Variants in CRTAC1 observed in about 807,000 individuals in gnomAD.
CRTAC1 encodes the protein acidic secreted protein in cartilage.
Under a neutral mutation model 67.8 loss-of-function variants are expected in CRTAC1, and 37 were observed. The ratio of observed to expected loss-of-function variants is 0.55; its 90% CI spans 0.42 to 0.72. The LOEUF is 0.72. CRTAC1 is among the 30% of genes least tolerant of loss of function. The probability of loss-of-function intolerance (pLI) is 0.00; values close to 1 mark genes in which losing one functional copy is unlikely to be tolerated. For missense variants in CRTAC1, 780 were observed against 931.6 expected, an observed-to-expected ratio of 0.84 and a Z score of 2.12; for synonymous variants, 348 against 371.0, an observed-to-expected ratio of 0.94 and a Z score of 0.71.
At chr10:98,011,533 ACTCCATCATGGCTGATCG>A in intron 1 of CRTAC1, among the ~76,000 whole-genome samples, 196 bp from the exon 2 acceptor site, 1 of 148,834 alleles carries the variant, frequency 6.7e-6, no homozygotes, top group Middle Eastern at 3.4e-3. Context: ...CTGCAACCTG[ACTCCATCATGGCTGATCG>A]CCCTTAGCCT....
intron 8 of CRTAC1, among the ~76,000 whole-genome samples, chr10:97,899,522 G>A (rs563857166): frequency 6.6e-5 from 10 of 152,304 alleles, no homozygotes; most frequent in Middle Eastern, 3.4e-3. Flanking sequence ...TCCTCCTGGC[G>A]AGTGACACTT....
At chr10:98,027,781 T>C (rs1383686536) in intron 1 of CRTAC1, among the ~76,000 whole-genome samples, 2 of 152,204 alleles carry the variant, frequency 1.3e-5, no homozygotes, top group Non-Finnish European at 2.9e-5. Context: ...TACCAAAGCC[T>C]GGTCAGTCAA....
At chr10:97,919,695 AT>A (rs1420618883) in intron 4 of CRTAC1, among the ~76,000 whole-genome samples, 1 of 151,468 alleles carries the variant, frequency 6.6e-6, no homozygotes, top group Non-Finnish European at 1.5e-5. Context: ...CTGAATCAGA[AT>A]CTGCATTGTG....
intron 1 of CRTAC1, among the ~76,000 whole-genome samples, chr10:98,013,507 A>G (rs1842945803): frequency 6.6e-6 from 1 of 152,170 alleles, no homozygotes; most frequent in Non-Finnish European, 1.5e-5. Context: ...CAGATAAATA[A>G]CCTAAAGCAA....
chr10:97,941,703 C>T (rs2051180189), intron 2 of CRTAC1, among the ~76,000 whole-genome samples: 1 of 152,054 alleles, frequency 6.6e-6, no homozygotes, highest in African/African-American at 2.4e-5. Context: ...AATCCTTTTT[C>T]TTCTTTCCTC....
chr10:97,983,830 T>C (rs1428934590), intron 2 of CRTAC1, among the ~76,000 whole-genome samples: 3 of 152,194 alleles, frequency 2.0e-5, no homozygotes, highest in African/African-American at 4.8e-5. Flanking sequence ...CTTGTTTCCA[T>C]CTGGGGCCTG....
At chr10:97,923,586 G>A (rs1277010510) in intron 3 of CRTAC1, among the ~76,000 whole-genome samples, 186 bp from the exon 4 acceptor site, 1 of 152,162 alleles carries the variant, frequency 6.6e-6, no homozygotes, top group Non-Finnish European at 1.5e-5. Context: ...CATGTTTCCA[G>A]TTGAGGGAAG....
intron 1 of CRTAC1, among the ~76,000 whole-genome samples, chr10:98,026,617 A>G (rs1843237746): frequency 6.6e-6 from 1 of 151,982 alleles, no homozygotes; most frequent in Admixed American, 6.6e-5. Context: ...CCGGTGGTCC[A>G]CGTGATCCTG....
At chr10:97,951,696 G>A (rs1484439586) in intron 2 of CRTAC1, among the ~76,000 whole-genome samples, 3 of 152,160 alleles carry the variant, frequency 2.0e-5, no homozygotes, top group African/African-American at 4.8e-5. Flanking sequence ...ACAAATGAAA[G>A]GTACATGACT....
At chr10:97,917,409 TG>T in intron 5 of CRTAC1, 90 bp downstream of exon 5, 1 of 1,099,824 alleles carries the variant, frequency 9.1e-7, no homozygotes, top group Non-Finnish European at 1.2e-6. Flanking sequence ...CCTTTCCTTG[TG>T]GTCTCTGATG....
At position 97,975,816 on chromosome 10, in the gene CRTAC1, G is replaced by T. The variant is rs960300056; in HGVS notation, c.224+35322C>A. On this transcript the variant is annotated intron_variant, in intron 2 of 14. Transcript: ENST00000370597. This position sits in a 1 kb window ranked among gnomAD's most constrained non-coding sequence, Gnocchi z 4.8. ...CCTCTCCACCTGCCAGGGAAGCTAC[G>T]CACACTCGGTGAGCGTGCTCCTGGG... 1.3e-5 allele frequency among the ~76,000 whole-genome samples: 2 copies of T among 152,184 alleles called. No homozygotes were observed. Among genetic ancestry groups the T allele is most frequent in the Non-Finnish European group, 2.9e-5 (2 of 68,022 alleles).
intron 5 of CRTAC1, among the ~76,000 whole-genome samples, chr10:97,910,082 G>A (rs2050668334): frequency 6.6e-6 from 1 of 152,140 alleles, no homozygotes; most frequent in Non-Finnish European, 1.5e-5. Flanking sequence ...GTTGGTCAAA[G>A]GATACAACAC....
rs2050446452 is a variant in CRTAC1, at chr10:97,895,626, G to A, written c.1318-213C>T. ...TGAAGGAGAGGCACTGCAGACAGAG[G>A]AGACAAAAGCCGAGGGACTCAGGGC... On this transcript the variant is annotated intron_variant, in intron 10 of 14. Coordinates refer to ENST00000370597, the MANE Select transcript of CRTAC1 (RefSeq NM_018058.7). This position sits in a 1 kb window ranked among gnomAD's most constrained non-coding sequence, Gnocchi z 4.2. Among the ~76,000 whole-genome samples, 1 of 152,194 alleles carries A rather than the reference G, an allele frequency of 6.6e-6. No homozygotes were observed. The highest frequency in any genetic ancestry group is 1.5e-5 in the Non-Finnish European group (1 of 68,036).
At chr10:97,881,771 C>T (rs964127465) in intron 13 of CRTAC1, among the ~76,000 whole-genome samples, 1 of 151,502 alleles carries the variant, frequency 6.6e-6, no homozygotes, top group African/African-American at 2.4e-5. Context: ...CACCACTGCT[C>T]CTCCACCTCC....
At chr10:98,002,723 G>A (rs980392200) in intron 2 of CRTAC1, among the ~76,000 whole-genome samples, 3 of 139,826 alleles carry the variant, frequency 2.1e-5, no homozygotes, top group Non-Finnish European at 4.6e-5. Flanking sequence ...GGTCACCGAG[G>A]AACAAAGTAT....
chr10:97,943,750 G>A (rs1273105576), intron 2 of CRTAC1, among the ~76,000 whole-genome samples: 1 of 152,238 alleles, frequency 6.6e-6, no homozygotes, highest in Non-Finnish European at 1.5e-5. Flanking sequence ...TTATTGGAAT[G>A]CAGACATACT....
intron 2 of CRTAC1, among the ~76,000 whole-genome samples, chr10:97,940,789 G>T (rs1463837137): frequency 6.6e-6 from 1 of 152,208 alleles, no homozygotes; most frequent in Non-Finnish European, 1.5e-5. Flanking sequence ...TGAGGACGAG[G>T]TGCCAGAGTG....
intron 14 of CRTAC1, chr10:97,879,650 G>A (rs2050185759): frequency 6.5e-7 from 1 of 1,534,430 alleles, no homozygotes; most frequent in Non-Finnish European, 8.8e-7. Context: ...AAGGCTGTTA[G>A]TTTTGTTTTG....
At chr10:97,986,609 A>T (rs568549) in intron 2 of CRTAC1, among the ~76,000 whole-genome samples, 16,194 of 152,332 alleles carry the variant, frequency 0.11, 908 homozygotes, top group South Asian at 0.16. Flanking sequence ...CAGAAAAACA[A>T]GAATTACAAA....
Sources: allele counts gnomAD v4.1 joint callset (sites outside exome capture counted in the v4.1 genomes callset), GRCh38; gene constraint gnomAD v4.1.1; non-coding constraint Gnocchi (gnomAD v3.1); transcripts MANE v1.5; gene names NCBI Gene and HGNC (gene_info 2026-07-23, HGNC 2026-07-21).